MALRD1: variants seen among roughly 807,000 people sequenced by gnomAD.
MALRD1 encodes the protein MAM and LDL receptor class A domain containing 1.
MALRD1 carries 247 observed loss-of-function variants against 242.1 expected under a neutral mutation model. The ratio of observed to expected loss-of-function variants is 1.02; its 90% CI spans 0.92 to 1.13. The LOEUF is 1.13. MALRD1 is among the 50% of genes most tolerant of loss of function. MALRD1 has a pLI of 0.00. For synonymous variants in MALRD1, 995 were observed against 866.6 expected (o/e 1.15, Z -2.60); for missense variants, 2,989 against 2,533.1 (o/e 1.18, Z -3.86).
intron 5 of MALRD1, among the ~76,000 whole-genome samples, chr10:19,114,941 C>T (rs917009516): frequency 1.3e-5 from 2 of 152,086 alleles, no homozygotes; most frequent in African/African-American, 4.8e-5. Context: ...TTAAGTACAC[C>T]AGCCATATTG....
intron 29 of MALRD1, among the ~76,000 whole-genome samples, chr10:19,474,504 C>T (rs1026205158): frequency 5.3e-5 from 8 of 152,016 alleles, no homozygotes; most frequent in African/African-American, 1.9e-4. Context: ...CTATACATTT[C>T]GACACAGTCT....
chr10:19,707,624 G>A (rs1301438607), intron 38 of MALRD1, among the ~76,000 whole-genome samples: 2 of 152,024 alleles, frequency 1.3e-5, no homozygotes, highest in Non-Finnish European at 2.9e-5. Context: ...TCATGGGTTT[G>A]AAGTCATGGG....
At chr10:19,129,129 A>G (rs1460777646) in intron 8 of MALRD1, among the ~76,000 whole-genome samples, 1 of 152,066 alleles carries the variant, frequency 6.6e-6, no homozygotes, top group East Asian at 1.9e-4. Flanking sequence ...ACACTGCTAC[A>G]TGAAGATAGT....
chr10:19,572,989 C>T (rs953229516), intron 33 of MALRD1, among the ~76,000 whole-genome samples: 3 of 152,196 alleles, frequency 2.0e-5, no homozygotes, highest in Admixed American at 6.5e-5. Context: ...GCTTGGGATA[C>T]TTTGTTACTG....
intron 28 of MALRD1, among the ~76,000 whole-genome samples, chr10:19,446,261 T>G (rs1317162768): frequency 3.3e-5 from 5 of 152,234 alleles, no homozygotes; most frequent in African/African-American, 1.2e-4. Flanking sequence ...CCACCCTGCT[T>G]CAGCTTACAC....
At chr10:19,605,503 T>C (rs1589297695) in intron 34 of MALRD1, among the ~76,000 whole-genome samples, 1 of 126,484 alleles carries the variant, frequency 7.9e-6, no homozygotes. Flanking sequence ...TTTTTTTTTT[T>C]GGTTTATCTG....
intron 14 of MALRD1, among the ~76,000 whole-genome samples, chr10:19,190,546 T>C (rs1299262696): frequency 6.7e-6 from 1 of 150,356 alleles, no homozygotes; most frequent in East Asian, 1.9e-4. Context: ...TCAAAACTTA[T>C]TACAAAACTA....
At chr10:19,269,639 T>A (rs1294893634) in intron 19 of MALRD1, among the ~76,000 whole-genome samples, 1 of 152,186 alleles carries the variant, frequency 6.6e-6, no homozygotes, top group South Asian at 2.1e-4. Context: ...TGCAACTCCA[T>A]CTTCCCAGTT....
At chr10:19,059,210 G>T (rs767880077) in intron 1 of MALRD1, among the ~76,000 whole-genome samples, 3 of 152,020 alleles carry the variant, frequency 2.0e-5, no homozygotes, top group African/African-American at 7.2e-5. Flanking sequence ...ATGAAATATT[G>T]TTATGAGAAA....
At chr10:19,402,798 G>T (rs1846927658) in intron 28 of MALRD1, among the ~76,000 whole-genome samples, 1 of 151,882 alleles carries the variant, frequency 6.6e-6, no homozygotes. Flanking sequence ...CATTTGGAAT[G>T]CTTGTCTCCC....
rs736243 is a variant in MALRD1, at chr10:19,684,231, C to G, written c.6138-8051C>G. 4.3e-3 allele frequency among the ~76,000 whole-genome samples: 655 copies of G among 152,276 alleles called. 6 individuals carry two copies. The highest frequency in any genetic ancestry group is 0.015 in the African/African-American group (637 of 41,560). On this transcript the variant is annotated intron_variant, in intron 36 of 39. Transcript: ENST00000454679. ...ACCCTTTGGTGATTTACAGCGCCATCTCTCTGTGACTTCATCTTCTCCACT... is the reference window on the plus strand; with the variant it reads ...ACCCTTTGGTGATTTACAGCGCCATGTCTCTGTGACTTCATCTTCTCCACT...
intron 33 of MALRD1, among the ~76,000 whole-genome samples, chr10:19,579,648 CT>C (rs1456409508): frequency 6.6e-6 from 1 of 152,092 alleles, no homozygotes; most frequent in Non-Finnish European, 1.5e-5. Context: ...ATTATTTCCT[CT>C]GTAATTTTAG....
At chr10:19,401,748 A>G (rs1846856202) in intron 28 of MALRD1, among the ~76,000 whole-genome samples, 1 of 152,158 alleles carries the variant, frequency 6.6e-6, no homozygotes, top group African/African-American at 2.4e-5. Context: ...CATTAACACA[A>G]CAGTCAGTGG....
chr10:19,555,621 G>T (rs760728957), intron 32 of MALRD1, among the ~76,000 whole-genome samples: 1 of 152,144 alleles, frequency 6.6e-6, no homozygotes, highest in African/African-American at 2.4e-5. Flanking sequence ...CAGAGGAAAT[G>T]TGTAGGGGAG....
intron 29 of MALRD1, among the ~76,000 whole-genome samples, chr10:19,453,577 A>G (rs754446198): frequency 6.6e-6 from 1 of 152,178 alleles, no homozygotes; most frequent in Non-Finnish European, 1.5e-5. Context: ...TGAAACTCCC[A>G]TCTCTATAAA....
At chr10:19,289,546 A>G (rs1309979023) in intron 21 of MALRD1, among the ~76,000 whole-genome samples, 1 of 152,176 alleles carries the variant, frequency 6.6e-6, no homozygotes, top group Non-Finnish European at 1.5e-5. Flanking sequence ...AATCGTGGAG[A>G]AGGGAACAGC....
At chr10:19,269,193 A>G (rs926060056) in intron 19 of MALRD1, among the ~76,000 whole-genome samples, 1 of 152,212 alleles carries the variant, frequency 6.6e-6, no homozygotes, top group Non-Finnish European at 1.5e-5. Context: ...CCACTCCACA[A>G]TTCATATCTT....
intron 18 of MALRD1, among the ~76,000 whole-genome samples, chr10:19,238,835 C>T (rs1838622914): frequency 1.3e-5 from 2 of 150,936 alleles, no homozygotes; most frequent in Admixed American, 1.3e-4. Context: ...GTTTACAATC[C>T]CATCAACAGT....
chr10:19,147,926 A>G (rs189183436), intron 11 of MALRD1, among the ~76,000 whole-genome samples: 2 of 152,276 alleles, frequency 1.3e-5, no homozygotes, highest in Admixed American at 1.3e-4. Context: ...AGATGGGAGT[A>G]GTTAGGGATG....
Sources: gnomAD v4.1 joint callset for allele counts (sites outside exome capture counted in the v4.1 genomes callset) on GRCh38, gnomAD v4.1.1 for gene constraint, MANE v1.5 for transcripts, NCBI Gene and HGNC (gene_info 2026-07-23, HGNC 2026-07-21) for gene names.